The following SYT13 variants were observed in gnomAD, a reference collection of about 807,000 sequenced individuals.
SYT13 encodes synaptotagmin-13.
In SYT13, 21 loss-of-function variants were observed where a neutral mutation model predicts 38.6. The ratio of observed to expected loss-of-function variants is 0.54; its 90% CI spans 0.39 to 0.78. The LOEUF is 0.78. Among genes scored for constraint, SYT13 ranks in the 30% least tolerant of loss-of-function variants. The probability of loss-of-function intolerance (pLI) is 0.00; values close to 1 mark genes in which losing one functional copy is unlikely to be tolerated. For synonymous variants in SYT13, 241 were observed against 237.6 expected, an observed-to-expected ratio of 1.01 and a Z score of -0.13; for missense variants, 495 against 548.7, an observed-to-expected ratio of 0.90 and a Z score of 0.98.
intron 1 of SYT13, among the ~76,000 whole-genome samples, chr11:45,266,499 C>A (rs1854882669): frequency 9.9e-6 from 1 of 101,178 alleles, no homozygotes. Context: ...CACTCCCTCT[C>A]AAATACACAC....
In SYT13 at chr11:45,244,294, GT is replaced by G; in HGVS notation, c.1038del (p.Lys346AsnfsTer14). 1.2e-6 allele frequency: 2 copies of G among 1,614,006 alleles called. No homozygotes were observed. Among genetic ancestry groups the G allele is most frequent in the Non-Finnish European group, 1.7e-6 (2 of 1,180,032 alleles). On this transcript the variant is annotated frameshift_variant, in exon 6 of 6. Coordinates refer to ENST00000020926, the MANE Select transcript of SYT13 (RefSeq NM_020826.3). LOFTEE classifies it high-confidence loss of function. ...QARKLKKKQT[K>X]RAKHKINPVW... ...ACGGGGTTGATCTTGTGCTTAGCTC[GT>G]TTAGTCTGCTTCTTCTTCAGCTTCC...
intron 1 of SYT13, among the ~76,000 whole-genome samples, chr11:45,281,386 C>A (rs978581977): frequency 1.3e-5 from 2 of 152,016 alleles, no homozygotes; most frequent in East Asian, 1.9e-4. Context: ...GGCCTGGGGG[C>A]CAGACGCAGT....
rs1854688012 is a variant in SYT13 at position 45,252,461 on chromosome 11, A to T, written c.806T>A (p.Leu269Gln). 6.2e-7 allele frequency: 1 copy of T among 1,609,770 alleles called. No individual in the cohort carries two copies. Among genetic ancestry groups the T allele is most frequent in the Admixed American group, 1.7e-5 (1 of 59,862 alleles). The change falls in exon 4 of 6, where the codon CTA becomes CAA. Residue 269 changes from leucine (L) to glutamine (Q), a missense_variant. Leu to Gln is a moderately radical substitution (Grantham distance 113). Transcript: ENST00000020926. The surrounding 1 kb of genome is among the most constrained non-coding windows in gnomAD (Gnocchi z 4.3). ...RLGLDGTSVP[L>Q]GAAQWGELKT... is the part of the protein sequence containing the mutation. Reference sequence around the variant, plus strand: ...CAGCTCGCCCCACTGGGCAGCCCCTAGAGGCACAGATGTCCCGTCCAGGCC... The same window carrying T: ...CAGCTCGCCCCACTGGGCAGCCCCTTGAGGCACAGATGTCCCGTCCAGGCC...
chr11:45,284,843 A>G (rs1450155077), intron 1 of SYT13, among the ~76,000 whole-genome samples: 1 of 152,222 alleles, frequency 6.6e-6, no homozygotes, highest in Non-Finnish European at 1.5e-5. Flanking sequence ...TCTGCTGTGC[A>G]GCCGGCTCCT....
intron 1 of SYT13, among the ~76,000 whole-genome samples, chr11:45,282,366 A>G (rs1855084803): frequency 6.6e-6 from 1 of 152,200 alleles, no homozygotes; most frequent in East Asian, 1.9e-4. Context: ...TCAGAAAAGC[A>G]AAGAACTGTG....
chr11:45,284,555 G>A (rs1043461715), intron 1 of SYT13, among the ~76,000 whole-genome samples: 6 of 152,122 alleles, frequency 3.9e-5, no homozygotes, highest in Non-Finnish European at 8.8e-5. Context: ...ATGATCAGCC[G>A]TTCTGTGGGC....
intron 1 of SYT13, among the ~76,000 whole-genome samples, chr11:45,267,383 A>G (rs1854896703): frequency 6.6e-6 from 1 of 152,202 alleles, no homozygotes; most frequent in African/African-American, 2.4e-5. Flanking sequence ...CCCATCAGTC[A>G]GGGAAACGGG....
chr11:45,244,852 T>A (rs748329603), intron 5 of SYT13, among the ~76,000 whole-genome samples: 1 of 152,146 alleles, frequency 6.6e-6, no homozygotes, highest in South Asian at 2.1e-4. Context: ...GATTGGGGCA[T>A]GTTAGAGTAC....
intron 5 of SYT13, among the ~76,000 whole-genome samples, chr11:45,244,627 G>A (rs1043295962): frequency 6.6e-6 from 1 of 152,102 alleles, no homozygotes; most frequent in African/African-American, 2.4e-5. Flanking sequence ...TCTAGGAGTC[G>A]ATCCAGGATG....
At position 45,264,858 on chromosome 11, in the gene SYT13, A is replaced by T. The variant is rs79484723; in HGVS notation, c.184-8967T>A. Among the ~76,000 whole-genome samples the T allele has an allele frequency of 6.7e-3, 1,024 of 152,344 alleles. 8 individuals carry two copies. The highest frequency in any genetic ancestry group is 0.024 in the African/African-American group (980 of 41,580). ...ACTGACAACACTAGTGTGGACAAGGATGTGAGACATTTGGGATGGTCACTA... is the reference window on the plus strand; with the variant it reads ...ACTGACAACACTAGTGTGGACAAGGTTGTGAGACATTTGGGATGGTCACTA... On this transcript the variant is annotated intron_variant, in intron 1 of 5. Transcript: ENST00000020926.
intron 1 of SYT13, among the ~76,000 whole-genome samples, chr11:45,258,779 C>A (rs1391323018): frequency 6.6e-6 from 1 of 152,088 alleles, no homozygotes; most frequent in African/African-American, 2.4e-5. Flanking sequence ...GAAGACCGGG[C>A]TTGGGGGAGT....
At position 45,256,563 on chromosome 11, in the gene SYT13, C is replaced by T. The variant is rs576434533; in HGVS notation, c.184-672G>A. Reference sequence around the variant, plus strand: ...CTTACAATCTAAATTAAATCCCTCCCCCAAGCCTGTCCCTCCCTATCACCA... The same window carrying T: ...CTTACAATCTAAATTAAATCCCTCCTCCAAGCCTGTCCCTCCCTATCACCA... On this transcript the variant is annotated intron_variant, in intron 1 of 5. Coordinates refer to ENST00000020926, the MANE Select transcript of SYT13 (RefSeq NM_020826.3). 1.2e-4 allele frequency among the ~76,000 whole-genome samples: 18 copies of T among 152,308 alleles called. No individual in the cohort carries two copies. In the South Asian group the frequency reaches 3.7e-3, roughly 32 times the overall value.
intron 1 of SYT13, among the ~76,000 whole-genome samples, chr11:45,280,272 C>T (rs1178009924): frequency 2.0e-5 from 3 of 152,094 alleles, no homozygotes; most frequent in South Asian, 4.1e-4. Flanking sequence ...GTCTTAACGT[C>T]CCAATCCCCA....
At chr11:45,270,063 T>C (rs1276648940) in intron 1 of SYT13, among the ~76,000 whole-genome samples, 2 of 152,204 alleles carry the variant, frequency 1.3e-5, no homozygotes, top group Admixed American at 1.3e-4. Flanking sequence ...ACAACAAGGC[T>C]GTCAGCAATG....
At chr11:45,284,632 C>G (rs1171314347) in intron 1 of SYT13, among the ~76,000 whole-genome samples, 1 of 152,086 alleles carries the variant, frequency 6.6e-6, no homozygotes, top group Non-Finnish European at 1.5e-5. Flanking sequence ...ACTAGTTTCC[C>G]AGTGGTTCTC....
At chr11:45,279,103 T>C (rs1317103364) in intron 1 of SYT13, among the ~76,000 whole-genome samples, 1 of 152,252 alleles carries the variant, frequency 6.6e-6, no homozygotes. Context: ...AAATTTTGAC[T>C]ACTTTTTTCT....
chr11:45,274,627 G>A (rs1854988084), intron 1 of SYT13, among the ~76,000 whole-genome samples: 1 of 152,176 alleles, frequency 6.6e-6, no homozygotes, highest in Admixed American at 6.5e-5. Flanking sequence ...TAAGCTTAAA[G>A]CTAACAGAAG....
chr11:45,274,088 C>G (rs78699794), intron 1 of SYT13, among the ~76,000 whole-genome samples: 3,933 of 152,202 alleles, frequency 0.026, 179 homozygotes, highest in African/African-American at 0.089. Flanking sequence ...AATTCAAATT[C>G]AGGTTTTTGA....
intron 1 of SYT13, among the ~76,000 whole-genome samples, chr11:45,281,024 A>C (rs1202411027): frequency 6.6e-6 from 1 of 152,074 alleles, no homozygotes; most frequent in Non-Finnish European, 1.5e-5. Flanking sequence ...GTGAAACCCC[A>C]TCTCTACTAA....
Sources: gnomAD v4.1 joint callset for allele counts (sites outside exome capture counted in the v4.1 genomes callset) on GRCh38, gnomAD v4.1.1 for gene constraint, Gnocchi (gnomAD v3.1) non-coding constraint, MANE v1.5 for transcripts, NCBI Gene and HGNC (gene_info 2026-07-23, HGNC 2026-07-21) for gene names.